ITGA1: variants seen among roughly 807,000 people sequenced by gnomAD.
ITGA1 encodes the protein integrin alpha-1.
Under a neutral mutation model 145.9 loss-of-function variants are expected in ITGA1, and 85 were observed. That is an observed-to-expected ratio of 0.58 (90% CI 0.49 to 0.70). ITGA1 has a LOEUF of 0.70. ITGA1 is among the 30% of genes least tolerant of loss of function. The probability of loss-of-function intolerance (pLI) is 0.00; values close to 1 mark genes in which losing one functional copy is unlikely to be tolerated. For synonymous variants in ITGA1, 520 were observed against 495.3 expected, an observed-to-expected ratio of 1.05 and a Z score of -0.66; for missense variants, 1,351 against 1,418.7, an observed-to-expected ratio of 0.95 and a Z score of 0.77.
intron 11 of ITGA1, chr5:52,901,903 G>T (rs905182528): frequency 5.3e-5 from 8 of 152,088 alleles, no homozygotes; most frequent in South Asian, 2.1e-4. Context: ...ACAAGTGAGG[G>T]TATATGACAT....
chr5:52,862,601 A>C (rs914888542), intron 3 of ITGA1, among the ~76,000 whole-genome samples: 2 of 152,226 alleles, frequency 1.3e-5, no homozygotes, highest in African/African-American at 4.8e-5. Context: ...CCTCCACAAA[A>C]TTTAACTTAG....
At chr5:52,900,769 T>C (rs1479133687) in intron 11 of ITGA1, among the ~76,000 whole-genome samples, 2 of 152,190 alleles carry the variant, frequency 1.3e-5, no homozygotes, top group Admixed American at 1.3e-4. Context: ...TTTTCCTATT[T>C]CTAAAATGGA....
intron 11 of ITGA1, chr5:52,903,559 A>C (rs534717817): frequency 1.3e-5 from 2 of 152,206 alleles, no homozygotes; most frequent in African/African-American, 4.8e-5. Context: ...GTAAGAATAA[A>C]CATACTGTAT....
intron 14 of ITGA1, among the ~76,000 whole-genome samples, chr5:52,911,918 A>T (rs377122381): frequency 5.7e-5 from 6 of 105,546 alleles, no homozygotes; most frequent in East Asian, 6.2e-4. Flanking sequence ...TATATATATT[A>T]TATATATAGT....
At chr5:52,799,431 T>A (rs1487427913) in intron 1 of ITGA1, among the ~76,000 whole-genome samples, 2 of 152,196 alleles carry the variant, frequency 1.3e-5, no homozygotes, top group African/African-American at 4.8e-5. Context: ...GCTACTGGGC[T>A]GCGGAAAGCT....
intron 26 of ITGA1, among the ~76,000 whole-genome samples, chr5:52,942,399 T>C (rs560512160): frequency 3.0e-4 from 46 of 152,202 alleles, no homozygotes; most frequent in Middle Eastern, 3.4e-3. Context: ...AAATGAAAGG[T>C]TTTTTCTTTT....
At chr5:52,836,822 A>C (rs1358197643) in intron 1 of ITGA1, among the ~76,000 whole-genome samples, 1 of 152,128 alleles carries the variant, frequency 6.6e-6, no homozygotes, top group East Asian at 1.9e-4. Flanking sequence ...ATAGTTAAGA[A>C]AATAGGGGAC....
intron 1 of ITGA1, chr5:52,800,071 G>A (rs899370183): frequency 1.5e-5 from 5 of 336,514 alleles, no homozygotes; most frequent in South Asian, 3.2e-5. Context: ...TCGGGTCGCG[G>A]GACGGGGGCT....
intron 1 of ITGA1, among the ~76,000 whole-genome samples, chr5:52,845,110 C>T (rs1324002479): frequency 6.6e-6 from 1 of 152,088 alleles, no homozygotes; most frequent in Non-Finnish European, 1.5e-5. Context: ...CCCAGACATT[C>T]CACACAACAT....
chr5:52,902,127 A>G (rs1384468663), intron 11 of ITGA1: 1 of 152,184 alleles, frequency 6.6e-6, no homozygotes, highest in Non-Finnish European at 1.5e-5. Flanking sequence ...TTGTAAGGCT[A>G]TGAAAAATCT....
At chr5:52,943,916 T>G (rs2111906234) in intron 26 of ITGA1, among the ~76,000 whole-genome samples, 1 of 152,198 alleles carries the variant, frequency 6.6e-6, no homozygotes, top group Non-Finnish European at 1.5e-5. Flanking sequence ...TCCTCCCAGG[T>G]CACAGGGAAA....
intron 14 of ITGA1, among the ~76,000 whole-genome samples, chr5:52,912,941 T>C (rs973204762): frequency 4.6e-5 from 7 of 151,892 alleles, no homozygotes; most frequent in African/African-American, 7.2e-5. Context: ...AGAGACGGGG[T>C]TTCACCGTGT....
At chr5:52,821,892 G>A (rs1748885351) in intron 1 of ITGA1, among the ~76,000 whole-genome samples, 1 of 152,156 alleles carries the variant, frequency 6.6e-6, no homozygotes, top group Non-Finnish European at 1.5e-5. Context: ...TGGACTTTGA[G>A]TTGACTGCCC....
At chr5:52,909,799 G>T (rs1750475098) in intron 13 of ITGA1, among the ~76,000 whole-genome samples, 2 of 149,566 alleles carry the variant, frequency 1.3e-5, no homozygotes, top group African/African-American at 2.5e-5. Flanking sequence ...ACTCTAGGCA[G>T]CTTTAGAGAA....
intron 28 of ITGA1, among the ~76,000 whole-genome samples, chr5:52,951,826 C>T (rs1264757290): frequency 6.6e-6 from 1 of 152,186 alleles, no homozygotes; most frequent in Non-Finnish European, 1.5e-5. Context: ...TTCCCAGAAG[C>T]TTTTAATTAG....
intron 1 of ITGA1, among the ~76,000 whole-genome samples, chr5:52,791,284 A>C (rs187724644): frequency 2.0e-5 from 3 of 152,314 alleles, no homozygotes; most frequent in Admixed American, 1.3e-4. Flanking sequence ...TAGCGCAAGC[A>C]ACAGTAGGGA....
intron 5 of ITGA1, 28 bp downstream of exon 5, chr5:52,865,110 TGTTTG>T: frequency 1.3e-6 from 2 of 1,514,974 alleles, no homozygotes; most frequent in Non-Finnish European, 9.1e-7. Context: ...TGTTCTTGCA[TGTTTG>T]AAAAGCCTAT....
chr5:52,944,821 C>G (rs1336816741), intron 26 of ITGA1, 122 bp from the exon 27 acceptor site: 9 of 662,412 alleles, frequency 1.4e-5, no homozygotes, highest in African/African-American at 1.8e-5. Flanking sequence ...TGGAAGTTAA[C>G]AAAACTGGAA....
chr5:52,898,629 G>A (rs1171150119), intron 11 of ITGA1, among the ~76,000 whole-genome samples: 2 of 152,016 alleles, frequency 1.3e-5, no homozygotes, highest in Non-Finnish European at 2.9e-5. Flanking sequence ...AGGTTGATAT[G>A]TGCCCTTTCT....
Sources: gnomAD v4.1 joint callset for allele counts (sites outside exome capture counted in the v4.1 genomes callset) on GRCh38, gnomAD v4.1.1 for gene constraint, MANE v1.5 for transcripts, NCBI Gene and HGNC (gene_info 2026-07-23, HGNC 2026-07-21) for gene names.